IGSF3: variants seen among roughly 807,000 people sequenced by gnomAD.
IGSF3 encodes immunoglobulin superfamily member 3.
In IGSF3, 23 loss-of-function variants were observed where a neutral mutation model predicts 114.4. That is an observed-to-expected ratio of 0.20 (90% confidence interval 0.14 to 0.28). The LOEUF (loss-of-function observed/expected upper bound fraction) is 0.28. Ranked by LOEUF, IGSF3 falls within the 10% of genes least tolerant of loss-of-function variation. The pLI, the probability that IGSF3 is intolerant of heterozygous loss-of-function variation, is 1.00. For missense variants in IGSF3, 1,172 were observed against 1,591.5 expected (o/e 0.74, Z 4.48); for synonymous variants, 571 against 645.2 (o/e 0.88, Z 1.74).
rs1265587019 is a variant in IGSF3 at position 116,608,214 on chromosome 1, G to A, written c.950C>T (p.Ser317Phe). Residue 317 changes from serine to phenylalanine, a missense_variant, in exon 5 of 11, where the codon TCC (serine) becomes TTC (phenylalanine). Physicochemically the swap from Ser to Phe is radical, Grantham distance 155 (BLOSUM62 -2). Transcript: ENST00000369486. ...GATGAGCGAGCTGTTGAAGGCCCAG[G>A]AGACAGCAAAGTAACGGTCGGGAAC... ...QNVPDRYFAV[S>F]WAFNSSLIAT... The A allele has an allele frequency of 2.5e-6, 4 of 1,610,492 alleles. No individual in the cohort carries two copies. Among genetic ancestry groups the A allele is most frequent in the Non-Finnish European group, 3.4e-6 (4 of 1,177,164 alleles).
At chr1:116,622,771 T>C (rs992806357) in intron 2 of IGSF3, among the ~76,000 whole-genome samples, 43 of 152,296 alleles carry the variant, frequency 2.8e-4, no homozygotes, top group African/African-American at 9.4e-4. Context: ...GACAAGGAAA[T>C]GGTTTTCAAG....
chr1:116,600,422 A>G lies in IGSF3; in HGVS notation c.1625-77T>C, dbSNP rs1660532424. On this transcript the variant is annotated intron_variant, in intron 6 of 10. Transcript: ENST00000369486. The surrounding 1 kb of genome is among the most constrained non-coding windows in gnomAD (Gnocchi z 5.5). Reference sequence around the variant, plus strand: ...GGCAGTATGACATCAGCAATGGGGCAGCTGGCAAAGCAAGCAGTGTGGGAC... The same window carrying G: ...GGCAGTATGACATCAGCAATGGGGCGGCTGGCAAAGCAAGCAGTGTGGGAC... The G allele has an allele frequency of 2.1e-5, 24 of 1,156,422 alleles. No homozygotes were observed. Among genetic ancestry groups the G allele is most frequent in the Admixed American group, 1.2e-4 (6 of 48,032 alleles). 71.6% of individuals were successfully genotyped at this position (1,156,422 alleles called of 1,614,324 possible).
chr1:116,630,713 T>C (rs1475531538), intron 2 of IGSF3, among the ~76,000 whole-genome samples: 1 of 152,204 alleles, frequency 6.6e-6, no homozygotes, highest in Non-Finnish European at 1.5e-5. Context: ...AGCGTGGCAC[T>C]GTGAAAGATG....
intron 2 of IGSF3, among the ~76,000 whole-genome samples, chr1:116,658,127 C>T (rs1316234850): frequency 6.6e-6 from 1 of 151,820 alleles, no homozygotes; most frequent in Non-Finnish European, 1.5e-5. Context: ...TCGCAAACTC[C>T]GCCTCCCAGG....
At chr1:116,653,442 G>A (rs1452787961) in intron 2 of IGSF3, among the ~76,000 whole-genome samples, 3 of 152,186 alleles carry the variant, frequency 2.0e-5, no homozygotes, top group Non-Finnish European at 4.4e-5. Context: ...ATCAGAGACT[G>A]AATCTGGCCT....
At chr1:116,626,377 A>G (rs1282062574) in intron 2 of IGSF3, among the ~76,000 whole-genome samples, 1 of 134,396 alleles carries the variant, frequency 7.4e-6, no homozygotes, top group Non-Finnish European at 1.5e-5. Context: ...TTTCCTCCTC[A>G]AAGTTTTTGA....
At chr1:116,622,266 T>C (rs1281275261) in intron 2 of IGSF3, among the ~76,000 whole-genome samples, 2 of 152,160 alleles carry the variant, frequency 1.3e-5, no homozygotes, top group East Asian at 1.9e-4. Flanking sequence ...CAACATACCA[T>C]GTAGCAAACT....
At position 116,585,025 on chromosome 1, in the gene IGSF3, T is replaced by C. The variant is rs1170063566; in HGVS notation, c.2468A>G (p.Gln823Arg). Residue 823 changes from glutamine (Q) to arginine (R), a missense_variant, in exon 9 of 11, where the codon CAG becomes CGG. Gln to Arg is a conservative substitution (Grantham distance 43). Coordinates refer to ENST00000369486, the MANE Select transcript of IGSF3 (RefSeq NM_001007237.3). The surrounding 1 kb of genome is among the most constrained non-coding windows in gnomAD (Gnocchi z 4.9). The part of the protein sequence containing the change: ...PDSRLRLSQA[Q>R]GNLSVLETRQ... ...GGTCTCCAGAACCGACAGGTTCCCC[T>C]GGGCTTGGCTGAGCCTCAGGCGGCT... 1.9e-6 allele frequency: 3 copies of C among 1,547,278 alleles called. No homozygotes were observed. In the African/African-American group the frequency reaches 4.1e-5, roughly 21 times the overall value.
rs1319285999 is a variant in IGSF3 at position 116,597,352 on chromosome 1, GA to G, written c.2029+2588del. ...AATGCACCAGCACCAAAGTATATAG[GA>G]AAGAGTAAAAACTCATATGAAGCTC... On this transcript the variant is annotated intron_variant, in intron 7 of 10. Coordinates refer to ENST00000369486, the MANE Select transcript of IGSF3 (RefSeq NM_001007237.3). Among the ~76,000 whole-genome samples the G allele has an allele frequency of 6.6e-5, 10 of 152,294 alleles. No individual in the cohort carries two copies. The South Asian group carries it at 1.7e-3, about 25-fold the overall frequency.
rs764400228 is a variant in IGSF3 at position 116,650,696 on chromosome 1, ACCC to A, written c.43+15585_43+15587del. 2.4e-4 allele frequency among the ~76,000 whole-genome samples: 36 copies of A among 152,250 alleles called. No homozygotes were observed. Among genetic ancestry groups the A allele is most frequent in the Admixed American group, 3.9e-4 (6 of 15,288 alleles). On this transcript the variant is annotated intron_variant, in intron 2 of 10. Coordinates refer to ENST00000369486, the MANE Select transcript of IGSF3 (RefSeq NM_001007237.3). This position sits in a 1 kb window ranked among gnomAD's most constrained non-coding sequence, Gnocchi z 5.0. ...ATATCTGTGTTTCCCCTCACTTGCC[ACCC>A]CCATCCTGTGCTGGCAGATAAGGAT...
Position 116,613,938 on chromosome 1 carries a change from C to T in IGSF3, c.659G>A (p.Arg220Gln), listed in dbSNP as rs61742498. Reference protein sequence around the residue: ...YAQRQSLGEVRLDKLGRTTFR... With the variant: ...YAQRQSLGEVQLDKLGRTTFR... ...GGTGGTCCTCCCCAGCTTGTCCAGC[C>T]GCACCTCCCCCAGGCTCTGCCTCTG... Residue 220 changes from arginine to glutamine, a missense_variant, in exon 4 of 11, where the codon CGG (arginine) becomes CAG (glutamine). By Grantham distance (43) the Arg-to-Gln change is conservative. Transcript: ENST00000369486. 23 of 1,613,822 alleles carry T rather than the reference C, an allele frequency of 1.4e-5. No homozygotes were observed. The highest frequency in any genetic ancestry group is 6.7e-5 in the East Asian group (3 of 44,896).
Position 116,589,863 on chromosome 1 carries a change from T to G in IGSF3, c.2030-759A>C, listed in dbSNP as rs188592819. 7.2e-5 allele frequency among the ~76,000 whole-genome samples: 11 copies of G among 152,298 alleles called. No individual in the cohort carries two copies. The highest frequency in any genetic ancestry group is 1.3e-4 in the Admixed American group (2 of 15,300). ...AGGATGCTAAGTGCTGGGGATGCCC[T>G]GAAGAGTAAGCCGGAGTCCCAGCCC... On this transcript the variant is annotated intron_variant, in intron 7 of 10. Transcript: ENST00000369486. The surrounding 1 kb of genome is among the most constrained non-coding windows in gnomAD (Gnocchi z 5.7).
intron 2 of IGSF3, among the ~76,000 whole-genome samples, chr1:116,645,667 G>C (rs1648334521): frequency 6.6e-6 from 1 of 152,186 alleles, no homozygotes; most frequent in Non-Finnish European, 1.5e-5. Context: ...TCCCCGGGCA[G>C]GGGAACTGTA....
intron 4 of IGSF3, 96 bp from the exon 5 acceptor site, chr1:116,608,427 T>C (rs1660882993): frequency 3.4e-6 from 3 of 881,694 alleles, no homozygotes; most frequent in East Asian, 5.0e-5. Flanking sequence ...CTTCCTCTTC[T>C]TTACAATACT....
At position 116,588,018 on chromosome 1, in the gene IGSF3, G is replaced by A. The variant is rs541769463; in HGVS notation, c.2440+676C>T. On this transcript the variant is annotated intron_variant, in intron 8 of 10. Transcript: ENST00000369486. The surrounding 1 kb of genome is among the most constrained non-coding windows in gnomAD (Gnocchi z 4.9). ...AAATGACGCAGACTTCTCTTTGGTT[G>A]TTCCAGGGGCAGATCTAAAAAGGGA... 6.6e-6 allele frequency among the ~76,000 whole-genome samples: 1 copy of A among 152,362 alleles called. No individual in the cohort carries two copies. The highest frequency in any genetic ancestry group is 1.5e-5 in the Non-Finnish European group (1 of 68,030).
rs767135912 is a variant in IGSF3, at chr1:116,577,281, C to T, written c.*31G>A. On this transcript the variant is annotated 3_prime_UTR_variant, in exon 11 of 11. Coordinates refer to ENST00000369486, the MANE Select transcript of IGSF3 (RefSeq NM_001007237.3). The surrounding 1 kb of genome is among the most constrained non-coding windows in gnomAD (Gnocchi z 5.7). ...GAGAAAGGGAGAGCCTCAGCTCCTC[C>T]GTGGCCAACATCCGCTGGGGCATCA... is the stretch of plus-strand genomic sequence containing the variant. The T allele has an allele frequency of 8.1e-6, 13 of 1,609,070 alleles. No homozygotes were observed. Among genetic ancestry groups the T allele is most frequent in the South Asian group, 1.1e-5 (1 of 90,810 alleles).
chr1:116,599,666 A>G (rs192777406), intron 7 of IGSF3, among the ~76,000 whole-genome samples: 7 of 152,290 alleles, frequency 4.6e-5, no homozygotes, highest in Non-Finnish European at 8.8e-5. Context: ...AAGTGTCCCA[A>G]TGTCCACAGC....
chr1:116,616,952 A>G lies in IGSF3; in HGVS notation c.44-495T>C, dbSNP rs1461324938. Among the ~76,000 whole-genome samples, 1 of 152,110 alleles carries G rather than the reference A, an allele frequency of 6.6e-6. No homozygotes were observed. The highest frequency in any genetic ancestry group is 1.5e-5 in the Non-Finnish European group (1 of 68,012). On this transcript the variant is annotated intron_variant, in intron 2 of 10. Transcript: ENST00000369486. This position sits in a 1 kb window ranked among gnomAD's most constrained non-coding sequence, Gnocchi z 6.6. ...GGGAGCACCTTTTTACTGGTGCTGC[A>G]CCCTTCAATTTCCCATGTAGCTGCT...
intron 2 of IGSF3, among the ~76,000 whole-genome samples, chr1:116,631,317 C>CA (rs939848949): frequency 0.1 from 4,467 of 44,684 alleles, 293 homozygotes; most frequent in African/African-American, 0.17. Flanking sequence ...GACGCTGTCT[C>CA]AAAAAAAAAA....
Sources: gnomAD v4.1 joint callset for allele counts (sites outside exome capture counted in the v4.1 genomes callset) on GRCh38, gnomAD v4.1.1 for gene constraint, Gnocchi (gnomAD v3.1) non-coding constraint, MANE v1.5 for transcripts, NCBI Gene and HGNC (gene_info 2026-07-23, HGNC 2026-07-21) for gene names.